The following KCNIP3 variants were observed in gnomAD, a reference collection of about 807,000 sequenced individuals.
KCNIP3 encodes the protein potassium voltage-gated channel interacting protein 3.
A neutral mutation model predicts 35.0 loss-of-function variants in KCNIP3; 28 were observed. The ratio of observed to expected loss-of-function variants is 0.80; its 90% CI spans 0.59 to 1.10. The LOEUF is 1.10. KCNIP3 is among the 50% of genes least tolerant of loss of function. The probability of loss-of-function intolerance (pLI) is 0.00; values close to 1 mark genes in which losing one functional copy is unlikely to be tolerated. For missense variants in KCNIP3, 295 were observed against 338.4 expected, an observed-to-expected ratio of 0.87 and a Z score of 1.01; for synonymous variants, 134 against 133.8, an observed-to-expected ratio of 1.00 and a Z score of -0.01.
intron 5 of KCNIP3, among the ~76,000 whole-genome samples, chr2:95,380,498 T>C (rs1394372553): frequency 6.6e-6 from 1 of 152,206 alleles, no homozygotes; most frequent in Admixed American, 6.5e-5. Flanking sequence ...CACCCCTTTC[T>C]TTCAGAGTAG....
intron 2 of KCNIP3, among the ~76,000 whole-genome samples, chr2:95,346,121 A>G (rs1679350075): frequency 6.6e-6 from 1 of 152,192 alleles, no homozygotes; most frequent in South Asian, 2.1e-4. Context: ...TTGGAGACCA[A>G]CTTCTGCATT....
In KCNIP3 at chr2:95,384,124, C is replaced by T. The variant is rs1248184959; in HGVS notation, c.*75C>T. 8 of 1,367,962 alleles carry T rather than the reference C, an allele frequency of 5.8e-6. No homozygotes were observed. The highest frequency in any genetic ancestry group is 1.4e-5 in the African/African-American group (1 of 69,598). 84.7% of individuals were successfully genotyped at this position (1,367,962 alleles called of 1,614,324 possible). A position where few individuals can be genotyped will look rare whatever the true frequency, so the allele number is the denominator to read the frequency against. ...CCTCCATCCTGCCAGGAGCAGCCTC[C>T]AAGAAACTTTTAAAAAATAGATTTG... On this transcript the variant is annotated 3_prime_UTR_variant, in exon 9 of 9. Coordinates refer to ENST00000295225, the MANE Select transcript of KCNIP3 (RefSeq NM_013434.5).
rs570155958 is a variant in KCNIP3 at position 95,310,290 on chromosome 2, G to A, written c.16-65G>A. The stretch of plus-strand genomic sequence containing the variant: ...CTCATCTAGGATATCAGGGCAGCTC[G>A]GGACCATCCAGGGGTCCCCCCTCTG... On this transcript the variant is annotated intron_variant, in intron 1 of 8. Transcript: ENST00000295225. 5.6e-6 allele frequency: 9 copies of A among 1,597,210 alleles called. No individual in the cohort carries two copies. The East Asian group carries it at 6.7e-5, about 12-fold the overall frequency.
intron 2 of KCNIP3, among the ~76,000 whole-genome samples, chr2:95,361,859 C>T (rs1206658483): frequency 1.3e-5 from 2 of 152,178 alleles, no homozygotes; most frequent in African/African-American, 4.8e-5. Flanking sequence ...GAGAGACCAA[C>T]AATATACCAG....
At chr2:95,383,321 A>C (rs774198640) in intron 8 of KCNIP3, 27 bp downstream of exon 8, 2 of 1,607,924 alleles carry the variant, frequency 1.2e-6, no homozygotes, top group Admixed American at 1.7e-5. Context: ...GCTGGGCCAC[A>C]GTTCTCTGCA....
intron 2 of KCNIP3, among the ~76,000 whole-genome samples, chr2:95,337,429 T>A (rs1679086682): frequency 6.6e-6 from 1 of 152,018 alleles, no homozygotes; most frequent in Admixed American, 6.6e-5. Context: ...GGGGAGGGAA[T>A]GATGTTTGTA....
chr2:95,318,021 C>T (rs1678501454), intron 2 of KCNIP3, among the ~76,000 whole-genome samples: 1 of 119,746 alleles, frequency 8.4e-6, no homozygotes, highest in Non-Finnish European at 1.7e-5. Context: ...TGGGCCGGGT[C>T]AAGGATTGGG....
intron 2 of KCNIP3, among the ~76,000 whole-genome samples, chr2:95,363,239 A>G (rs903636975): frequency 6.6e-6 from 1 of 152,194 alleles, no homozygotes; most frequent in African/African-American, 2.4e-5. Flanking sequence ...TTATAGCTCT[A>G]TCATTTACCA....
At chr2:95,320,902 C>T (rs1353153894) in intron 2 of KCNIP3, among the ~76,000 whole-genome samples, 1 of 132,640 alleles carries the variant, frequency 7.5e-6, no homozygotes, top group African/African-American at 2.9e-5. Context: ...CTCGGCCCCA[C>T]CCAGCCTCTC....
At chr2:95,355,714 A>G (rs534248417) in intron 2 of KCNIP3, among the ~76,000 whole-genome samples, 1 of 152,244 alleles carries the variant, frequency 6.6e-6, no homozygotes, top group Non-Finnish European at 1.5e-5. Context: ...CATGGTGTAT[A>G]TGTGCCACAT....
At chr2:95,315,731 C>T (rs1209860736) in intron 2 of KCNIP3, among the ~76,000 whole-genome samples, 1 of 152,168 alleles carries the variant, frequency 6.6e-6, no homozygotes, top group Non-Finnish European at 1.5e-5. Context: ...CTATAAGTCA[C>T]CTCCGAAAGT....
intron 2 of KCNIP3, among the ~76,000 whole-genome samples, chr2:95,316,846 G>A (rs1390548868): frequency 6.6e-6 from 1 of 152,212 alleles, no homozygotes; most frequent in Non-Finnish European, 1.5e-5. Flanking sequence ...GCCACATGTG[G>A]CTTGCAGGGT....
At chr2:95,315,645 T>C (rs976865073) in intron 2 of KCNIP3, among the ~76,000 whole-genome samples, 5 of 152,256 alleles carry the variant, frequency 3.3e-5, no homozygotes, top group Non-Finnish European at 7.3e-5. Context: ...CAGGAAGATG[T>C]CCCTTCTCCA....
chr2:95,337,101 G>A (rs1169739867), intron 2 of KCNIP3, among the ~76,000 whole-genome samples: 3 of 152,176 alleles, frequency 2.0e-5, no homozygotes, highest in African/African-American at 7.2e-5. Context: ...TCAAATGTTA[G>A]CTGCCTTAGC....
intron 2 of KCNIP3, among the ~76,000 whole-genome samples, chr2:95,328,286 T>C (rs1330666539): frequency 6.6e-6 from 1 of 151,062 alleles, no homozygotes; most frequent in Admixed American, 6.6e-5. Context: ...ATGAGGAAAC[T>C]GAGGACTGGA....
intron 2 of KCNIP3, among the ~76,000 whole-genome samples, chr2:95,354,674 A>G (rs1313210824): frequency 2.6e-5 from 4 of 152,186 alleles, no homozygotes; most frequent in African/African-American, 9.7e-5. Context: ...GGCCAAGGGG[A>G]CTACCAGGGG....
chr2:95,302,190 G>A lies in KCNIP3; in HGVS notation c.15+4737G>A, dbSNP rs570635406. Among the ~76,000 whole-genome samples the A allele has an allele frequency of 2.0e-4, 30 of 152,164 alleles. No homozygotes were observed. In the South Asian group the frequency reaches 6.0e-3, roughly 30 times the overall value. On this transcript the variant is annotated intron_variant, in intron 1 of 8. Coordinates refer to ENST00000295225, the MANE Select transcript of KCNIP3 (RefSeq NM_013434.5). ...GCACCGCAGCAGCCGTGGACAGGGT[G>A]GGGGGTGGGGAGCCCCACATCTGAG...
chr2:95,315,579 T>G (rs958278599), intron 2 of KCNIP3, among the ~76,000 whole-genome samples: 4 of 152,120 alleles, frequency 2.6e-5, no homozygotes, highest in Non-Finnish European at 5.9e-5. Context: ...CATGAATCAG[T>G]GTAAACCTGT....
chr2:95,317,934 G>A (rs1252556420), intron 2 of KCNIP3, among the ~76,000 whole-genome samples: 2 of 152,124 alleles, frequency 1.3e-5, no homozygotes, highest in Non-Finnish European at 2.9e-5. Context: ...GTCTTCTTCC[G>A]CTTCATCTCT....
Sources: allele counts gnomAD v4.1 joint callset (sites outside exome capture counted in the v4.1 genomes callset), GRCh38; gene constraint gnomAD v4.1.1; transcripts MANE v1.5; gene names NCBI Gene and HGNC (gene_info 2026-07-23, HGNC 2026-07-21).